Variants in GLIS3 observed in about 807,000 individuals in gnomAD.
GLIS3 encodes GLIS family zinc finger 3.
In GLIS3, 53 loss-of-function variants were observed where a neutral mutation model predicts 78.6. The observed-to-expected ratio is 0.67, with a 90% CI of 0.54 to 0.85. GLIS3 has a LOEUF of 0.85. Ranked by LOEUF, GLIS3 falls within the 40% of genes least tolerant of loss-of-function variation. The pLI is 0.00. For missense variants in GLIS3, 1,703 were observed against 1,231.1 expected, an observed-to-expected ratio of 1.38 and a Z score of -5.74; for synonymous variants, 684 against 509.9, an observed-to-expected ratio of 1.34 and a Z score of -4.60.
intron 4 of GLIS3, among the ~76,000 whole-genome samples, chr9:4,107,161 T>C (rs73392586): frequency 4.6e-5 from 7 of 152,244 alleles, no homozygotes; most frequent in Admixed American, 2.0e-4. Context: ...AAGATCAAGA[T>C]TGAAATGTGT....
chr9:3,842,299 C>G (rs1395047860), intron 9 of GLIS3, among the ~76,000 whole-genome samples: 1 of 152,170 alleles, frequency 6.6e-6, no homozygotes, highest in Non-Finnish European at 1.5e-5. Context: ...TGGTGAAACC[C>G]TGTCTCTACT....
intron 2 of GLIS3, among the ~76,000 whole-genome samples, chr9:4,190,166 G>C (rs1002324915): frequency 3.3e-5 from 5 of 152,194 alleles, no homozygotes; most frequent in Admixed American, 6.5e-5. Flanking sequence ...ACCAGCAACG[G>C]AACAAAGCTG....
At chr9:4,368,289 C>A in the GLIS3 span, among the ~76,000 whole-genome samples, 2 of 151,444 alleles carry the variant, frequency 1.3e-5, no homozygotes, top group Non-Finnish European at 1.5e-5. Context: ...TAGAGCATCA[C>A]GAGGCAGAGA....
intron 6 of GLIS3, among the ~76,000 whole-genome samples, chr9:3,909,630 C>T (rs913352284): frequency 6.6e-6 from 1 of 152,172 alleles, no homozygotes. Flanking sequence ...AATGGGTACA[C>T]ATGCTGGGGT....
intron 2 of GLIS3, among the ~76,000 whole-genome samples, chr9:4,188,170 C>T (rs1445158851): frequency 6.6e-6 from 1 of 151,322 alleles, no homozygotes; most frequent in African/African-American, 2.4e-5. Context: ...AGATACATCC[C>T]ATCAATACCT....
intron 4 of GLIS3, among the ~76,000 whole-genome samples, chr9:3,983,989 T>A (rs1321115415): frequency 6.6e-6 from 1 of 152,248 alleles, no homozygotes; most frequent in Non-Finnish European, 1.5e-5. Flanking sequence ...CCAGGGCATG[T>A]CAGAGGTCTT....
the GLIS3 span, among the ~76,000 whole-genome samples, chr9:4,477,353 G>T: frequency 6.8e-6 from 1 of 147,974 alleles, no homozygotes; most frequent in Admixed American, 6.8e-5. Context: ...GATGGTGTTT[G>T]CTGGGAGTTA....
the GLIS3 span, among the ~76,000 whole-genome samples, chr9:4,455,718 A>G: frequency 6.6e-6 from 1 of 152,200 alleles, no homozygotes; most frequent in Non-Finnish European, 1.5e-5. Flanking sequence ...CCAGATCCTG[A>G]AAGGCATACT....
rs1227003251 is a variant in GLIS3 at position 4,025,687 on chromosome 9, G to A, written c.1711-88498C>T. 2.0e-5 allele frequency among the ~76,000 whole-genome samples: 3 copies of A among 152,124 alleles called. No homozygotes were observed. The East Asian group carries it at 5.8e-4, about 29-fold the overall frequency. ...AGGTGTGAGCCACTGTGCCTGGCCT[G>A]GCCCATGTTTTAGATCACATGATAG... On this transcript the variant is annotated intron_variant, in intron 4 of 10. Transcript: ENST00000381971.
At chr9:4,333,168 G>C (rs1251916953) in intron 2 of GLIS3, among the ~76,000 whole-genome samples, 1 of 151,378 alleles carries the variant, frequency 6.6e-6, no homozygotes, top group Non-Finnish European at 1.5e-5. Context: ...GATTGCTTGA[G>C]ACCAGGAGTT....
At chr9:4,337,937 T>A (rs1446588468) in intron 2 of GLIS3, among the ~76,000 whole-genome samples, 1 of 152,192 alleles carries the variant, frequency 6.6e-6, no homozygotes, top group African/African-American at 2.4e-5. Flanking sequence ...ACACAGCTTA[T>A]GTGACCAAGC....
At chr9:4,043,094 T>A (rs941684179) in intron 4 of GLIS3, among the ~76,000 whole-genome samples, 1 of 152,164 alleles carries the variant, frequency 6.6e-6, no homozygotes, top group African/African-American at 2.4e-5. Flanking sequence ...CAGCTGTGGT[T>A]CTCTGCATTC....
At chr9:4,152,209 G>A (rs1834737539) in intron 2 of GLIS3, 1 of 699,862 alleles carries the variant, frequency 1.4e-6, no homozygotes, top group South Asian at 6.3e-5. Flanking sequence ...AGGAACCAAA[G>A]GAAGAACTTT....
chr9:4,174,001 C>A (rs1305919113), intron 2 of GLIS3, among the ~76,000 whole-genome samples: 4 of 151,976 alleles, frequency 2.6e-5, no homozygotes, highest in Non-Finnish European at 4.4e-5. Context: ...TTAAAAAAAA[C>A]TTAATTTCCA....
the GLIS3 span, among the ~76,000 whole-genome samples, chr9:4,422,521 T>C: frequency 1.3e-5 from 2 of 152,338 alleles, no homozygotes; most frequent in African/African-American, 4.8e-5. Flanking sequence ...CTGTTTCCCC[T>C]GGAAAATATC....
chr9:4,282,563 C>G (rs562120057), intron 2 of GLIS3, among the ~76,000 whole-genome samples: 63 of 152,070 alleles, frequency 4.1e-4, no homozygotes, highest in Non-Finnish European at 1.2e-4. Flanking sequence ...GGATCTTGAG[C>G]CTGGCAGCCT....
intron 8 of GLIS3, among the ~76,000 whole-genome samples, chr9:3,858,701 AAAAGG>A (rs1303136369): frequency 2.2e-4 from 34 of 152,314 alleles, no homozygotes; most frequent in African/African-American, 7.9e-4. Flanking sequence ...CTTTGATTTG[AAAAGG>A]AAAGAAATAG....
chr9:4,435,008 C>A, the GLIS3 span, among the ~76,000 whole-genome samples: 1 of 152,148 alleles, frequency 6.6e-6, no homozygotes, highest in East Asian at 1.9e-4. Flanking sequence ...GATTTGGACT[C>A]AAAGTTGTAC....
the GLIS3 span, among the ~76,000 whole-genome samples, chr9:4,436,599 G>T: frequency 6.6e-6 from 1 of 152,068 alleles, no homozygotes; most frequent in Non-Finnish European, 1.5e-5. Context: ...GAGGTCATGA[G>T]TTCAAGACCA....
Sources: allele counts gnomAD v4.1 joint callset (sites outside exome capture counted in the v4.1 genomes callset), GRCh38; gene constraint gnomAD v4.1.1; transcripts MANE v1.5; gene names NCBI Gene and HGNC (gene_info 2026-07-23, HGNC 2026-07-21).